ERG: variants seen among roughly 807,000 people sequenced by gnomAD.
ERG encodes ETS transcription factor ERG.
In ERG, 9 loss-of-function variants were observed where a neutral mutation model predicts 55.3. That is an observed-to-expected ratio of 0.16 (90% CI 0.10 to 0.28). The LOEUF is 0.28. Among genes scored for constraint, ERG ranks in the 10% least tolerant of loss-of-function variants. The pLI, the probability that ERG is intolerant of heterozygous loss-of-function variation, is 1.00. For synonymous variants in ERG, 223 were observed against 237.3 expected, an observed-to-expected ratio of 0.94 and a Z score of 0.55; for missense variants, 434 against 631.6, an observed-to-expected ratio of 0.69 and a Z score of 3.35.
chr21:38,434,119 T>C (rs1399182929), intron 2 of ERG, among the ~76,000 whole-genome samples: 2 of 152,322 alleles, frequency 1.3e-5, no homozygotes, highest in East Asian at 3.9e-4. Flanking sequence ...CTCAGTGATC[T>C]GGCTCTGGAG....
intron 2 of ERG, among the ~76,000 whole-genome samples, chr21:38,557,787 C>A (rs939268693): frequency 6.6e-6 from 1 of 152,064 alleles, no homozygotes; most frequent in Non-Finnish European, 1.5e-5. Flanking sequence ...CTGGGTATGA[C>A]TTTGGGGGCA....
At chr21:38,616,998 G>A (rs75581700) in intron 1 of ERG, among the ~76,000 whole-genome samples, 3,129 of 152,200 alleles carry the variant, frequency 0.021, 38 homozygotes, top group East Asian at 0.05. Flanking sequence ...TATATTGAGG[G>A]ATATGACATC....
chr21:38,556,364 G>C (rs1457581736), intron 2 of ERG, among the ~76,000 whole-genome samples: 1 of 152,114 alleles, frequency 6.6e-6, no homozygotes, highest in African/African-American at 2.4e-5. Context: ...GTTGTTCACA[G>C]TGACATCAAG....
At chr21:38,472,922 G>A (rs551250297) in intron 1 of ERG, among the ~76,000 whole-genome samples, 2 of 152,268 alleles carry the variant, frequency 1.3e-5, no homozygotes, top group Admixed American at 6.5e-5. Flanking sequence ...AGGGCCTGGA[G>A]GAAATGAGTT....
chr21:38,504,448 A>G (rs1271898142), intron 2 of ERG, among the ~76,000 whole-genome samples: 1 of 152,270 alleles, frequency 6.6e-6, no homozygotes, highest in East Asian at 1.9e-4. Context: ...GTTTTAAGAA[A>G]GAAACCTAAG....
intron 2 of ERG, among the ~76,000 whole-genome samples, chr21:38,552,881 G>A (rs1416756399): frequency 6.7e-6 from 1 of 150,338 alleles, no homozygotes; most frequent in Non-Finnish European, 1.5e-5. Flanking sequence ...ACATCCAAAT[G>A]GGAAGAGAGG....
intron 2 of ERG, among the ~76,000 whole-genome samples, chr21:38,432,808 A>T (rs566942891): frequency 6.1e-4 from 93 of 152,194 alleles, no homozygotes; most frequent in Non-Finnish European, 1.9e-4. Context: ...CATGGTCTCG[A>T]CTCCAAGTAC....
intron 2 of ERG, among the ~76,000 whole-genome samples, chr21:38,433,372 A>T (rs1990308052): frequency 6.6e-6 from 1 of 152,240 alleles, no homozygotes; most frequent in Non-Finnish European, 1.5e-5. Context: ...AAATAAAATA[A>T]GTCCAAGATG....
At chr21:38,480,310 G>C (rs1290448554) in intron 1 of ERG, among the ~76,000 whole-genome samples, 1 of 152,176 alleles carries the variant, frequency 6.6e-6, no homozygotes, top group Non-Finnish European at 1.5e-5. Flanking sequence ...TCGCGGATAA[G>C]AGAGGACTAC....
chr21:38,410,151 T>C (rs1329345673), intron 3 of ERG, among the ~76,000 whole-genome samples: 1 of 152,244 alleles, frequency 6.6e-6, no homozygotes, highest in Non-Finnish European at 1.5e-5. Flanking sequence ...CGATTTTGCA[T>C]TGCAAACTCT....
At chr21:38,461,586 C>G (rs979948100) in intron 1 of ERG, among the ~76,000 whole-genome samples, 1 of 152,210 alleles carries the variant, frequency 6.6e-6, no homozygotes, top group Admixed American at 6.5e-5. Flanking sequence ...GTAGGTCAGT[C>G]ATTCTCAAAG....
chr21:38,661,470 G>A (rs1436038404), intron 1 of ERG, among the ~76,000 whole-genome samples: 2 of 152,170 alleles, frequency 1.3e-5, no homozygotes, highest in African/African-American at 2.4e-5. Context: ...GGATGCCGAG[G>A]GCACCGCGGC....
chr21:38,412,830 T>C (rs55681902), intron 3 of ERG, among the ~76,000 whole-genome samples: 36,896 of 152,106 alleles, frequency 0.24, 4,674 homozygotes, highest in South Asian at 0.37. Flanking sequence ...TTTTTGTAAT[T>C]TGCGGGTGGC....
chr21:38,500,629 T>C (rs1411905637), upstream of ERG, among the ~76,000 whole-genome samples: 1 of 152,204 alleles, frequency 6.6e-6, no homozygotes, highest in Non-Finnish European at 1.5e-5. Context: ...TGTCTCTCTC[T>C]CCCATATTTA....
At chr21:38,610,558 G>A (rs998064610) in intron 1 of ERG, among the ~76,000 whole-genome samples, 2 of 150,046 alleles carry the variant, frequency 1.3e-5, no homozygotes, top group Admixed American at 1.3e-4. Context: ...TGTTTAGCAA[G>A]AGGGGCTTGA....
At chr21:38,487,711 C>T (rs939733720) in intron 1 of ERG, among the ~76,000 whole-genome samples, 7 of 152,156 alleles carry the variant, frequency 4.6e-5, no homozygotes, top group Non-Finnish European at 1.0e-4. Flanking sequence ...TGGAGTTTCA[C>T]AGAAAGGTAA....
chr21:38,551,591 T>C (rs1040653112), intron 2 of ERG, among the ~76,000 whole-genome samples: 4 of 152,222 alleles, frequency 2.6e-5, no homozygotes, highest in African/African-American at 7.2e-5. Context: ...ATTTCTGTCT[T>C]AGTTTCATTG....
intron 1 of ERG, among the ~76,000 whole-genome samples, chr21:38,608,532 C>G (rs60914381): frequency 0.16 from 24,753 of 152,110 alleles, 2,134 homozygotes; most frequent in East Asian, 0.29. Context: ...GGTTGTCGCT[C>G]TCACCTAAAC....
chr21:38,646,760 T>C (rs16996658), intron 1 of ERG, among the ~76,000 whole-genome samples: 9,423 of 152,240 alleles, frequency 0.062, 936 homozygotes, highest in African/African-American at 0.21. Flanking sequence ...TCTCTTCTGA[T>C]TGAGTTTTGG....
Sources: allele counts gnomAD v4.1 joint callset (sites outside exome capture counted in the v4.1 genomes callset), GRCh38; gene constraint gnomAD v4.1.1; transcripts MANE v1.5; gene names NCBI Gene and HGNC (gene_info 2026-07-23, HGNC 2026-07-21).